The following TENM4 variants were observed in gnomAD, a reference collection of about 807,000 sequenced individuals.
TENM4 encodes the protein teneurin-4.
Under a neutral mutation model 243.3 loss-of-function variants are expected in TENM4, and 82 were observed. The observed-to-expected ratio is 0.34, with a 90% confidence interval of 0.28 to 0.40. TENM4 has a LOEUF of 0.40. TENM4 is among the 10% of genes least tolerant of loss of function. The probability of loss-of-function intolerance (pLI) is 1.00; values close to 1 mark genes in which losing one functional copy is unlikely to be tolerated. For missense variants in TENM4, 3,138 were observed against 3,673.3 expected (o/e 0.85, Z 3.77); for synonymous variants, 1,412 against 1,456.3 (o/e 0.97, Z 0.69).
chr11:79,009,918 T>C (rs1301695099), intron 6 of TENM4, among the ~76,000 whole-genome samples: 4 of 152,068 alleles, frequency 2.6e-5, no homozygotes, highest in Admixed American at 2.6e-4. Context: ...AATTCAGTCA[T>C]GGGGGTGGGT....
In TENM4 at chr11:78,658,133, G is replaced by A. The variant is rs193109853; in HGVS notation, c.8235C>T (p.Val2745=). ...TGTCTGACAGTTCTGGGTACTGCTC[G>A]ACAGAGATCACGAAAAAGCCGTCGT... ...QGYDGFFVIS[V]EQYPELSDSA... The change falls in exon 34 of 34, where the codon GTC becomes GTT. Residue 2745 remains valine, a synonymous_variant. Coordinates refer to ENST00000278550, the MANE Select transcript of TENM4 (RefSeq NM_001098816.3). The A allele has an allele frequency of 3.3e-5, 54 of 1,614,020 alleles. No homozygotes were observed. In the East Asian group the frequency reaches 7.8e-4, roughly 23 times the overall value.
At chr11:79,161,383 T>C (rs923290711) in intron 3 of TENM4, among the ~76,000 whole-genome samples, 1 of 152,230 alleles carries the variant, frequency 6.6e-6, no homozygotes, top group Non-Finnish European at 1.5e-5. Flanking sequence ...AATCTCTGAA[T>C]GTAATCTTAT....
intron 2 of TENM4, among the ~76,000 whole-genome samples, chr11:79,221,759 G>A (rs1361494124): frequency 6.6e-5 from 10 of 152,170 alleles, no homozygotes; most frequent in Non-Finnish European, 1.2e-4. Flanking sequence ...GCAGCAGATG[G>A]TTTTATGTAA....
intron 26 of TENM4, among the ~76,000 whole-genome samples, chr11:78,709,012 G>A (rs1859334619): frequency 6.9e-6 from 1 of 144,640 alleles, no homozygotes; most frequent in Admixed American, 7.0e-5. Flanking sequence ...CTGTCACCCA[G>A]GCTGTAGTGC....
At chr11:79,007,556 C>T (rs1004417571) in intron 6 of TENM4, among the ~76,000 whole-genome samples, 45 of 152,092 alleles carry the variant, frequency 3.0e-4, no homozygotes, top group Non-Finnish European at 4.7e-4. Flanking sequence ...TAGGTCTGGT[C>T]GTTGCTAAGA....
At chr11:79,286,012 TA>T (rs1856243897) in intron 2 of TENM4, among the ~76,000 whole-genome samples, 1 of 152,152 alleles carries the variant, frequency 6.6e-6, no homozygotes. Flanking sequence ...AATGTTACTT[TA>T]AAAGGGTAAA....
chr11:78,909,771 G>C (rs576518374), intron 6 of TENM4, among the ~76,000 whole-genome samples: 2 of 152,340 alleles, frequency 1.3e-5, no homozygotes, highest in East Asian at 3.9e-4. Context: ...GGCCAGCTGG[G>C]GACAGTTTTA....
At position 79,143,738 on chromosome 11, in the gene TENM4, G is replaced by T. The variant is rs1046917082; in HGVS notation, c.-66+4972C>A. ...AAATAAATGGTGCTGGGAAAACAAG[G>T]TATCCATATGCAGAAGAATGAAACT... is the stretch of plus-strand genomic sequence containing the variant. On this transcript the variant is annotated intron_variant, in intron 4 of 33. Coordinates refer to ENST00000278550, the MANE Select transcript of TENM4 (RefSeq NM_001098816.3). 3.3e-5 allele frequency among the ~76,000 whole-genome samples: 5 copies of T among 151,022 alleles called. No homozygotes were observed. The South Asian group carries it at 1.1e-3, about 32-fold the overall frequency.
In TENM4 at chr11:79,383,664, T is replaced by A. The variant is rs142859119; in HGVS notation, c.-321+56845A>T. Among the ~76,000 whole-genome samples, 248 of 152,200 alleles carry A rather than the reference T, an allele frequency of 1.6e-3. 1 individual carries two copies. The highest frequency in any genetic ancestry group is 5.8e-3 in the African/African-American group (241 of 41,522). On this transcript the variant is annotated intron_variant, in intron 1 of 33. Transcript: ENST00000278550. The stretch of plus-strand genomic sequence containing the variant: ...AGGGTGCTCATGGCCGGTGGGGAGC[T>A]CCTGATCCTGTTTCTCTCTCCTCTT...
intron 20 of TENM4, among the ~76,000 whole-genome samples, chr11:78,736,071 G>A (rs1455415006): frequency 6.6e-6 from 1 of 151,966 alleles, no homozygotes; most frequent in Non-Finnish European, 1.5e-5. Flanking sequence ...TCCCACCTCT[G>A]CCTCCTGGGT....
At chr11:78,667,872 A>G (rs552910671) in intron 32 of TENM4, among the ~76,000 whole-genome samples, 15 of 152,260 alleles carry the variant, frequency 9.9e-5, no homozygotes, top group African/African-American at 3.4e-4. Flanking sequence ...TCTTATGTAA[A>G]AAGTGTGGGC....
At chr11:79,040,314 C>T (rs1373981249) in intron 6 of TENM4, among the ~76,000 whole-genome samples, 1 of 152,202 alleles carries the variant, frequency 6.6e-6, no homozygotes, top group Non-Finnish European at 1.5e-5. Context: ...ACAAAAGGTG[C>T]TCGCTCAGCT....
intron 2 of TENM4, among the ~76,000 whole-genome samples, chr11:79,278,114 C>G (rs1009566884): frequency 6.6e-6 from 1 of 152,190 alleles, no homozygotes; most frequent in African/African-American, 2.4e-5. Context: ...GCGTATAGAT[C>G]TGGAGTGACT....
At chr11:79,210,725 T>C (rs1346800752) in intron 3 of TENM4, among the ~76,000 whole-genome samples, 2 of 152,326 alleles carry the variant, frequency 1.3e-5, no homozygotes, top group East Asian at 3.9e-4. Flanking sequence ...GAAGAATGCC[T>C]GGCACATAGT....
At chr11:79,136,832 TC>T (rs1165869713) in intron 4 of TENM4, among the ~76,000 whole-genome samples, 1 of 152,118 alleles carries the variant, frequency 6.6e-6, no homozygotes, top group African/African-American at 2.4e-5. Flanking sequence ...AATTCACTGG[TC>T]TTACCATGCT....
At chr11:78,759,967 T>A (rs1343488805) in intron 18 of TENM4, among the ~76,000 whole-genome samples, 1 of 152,224 alleles carries the variant, frequency 6.6e-6, no homozygotes, top group Non-Finnish European at 1.5e-5. Context: ...AATTTCTGAA[T>A]CTTAGTGAAA....
At chr11:78,943,939 G>T (rs1856958079) in intron 6 of TENM4, among the ~76,000 whole-genome samples, 1 of 152,192 alleles carries the variant, frequency 6.6e-6, no homozygotes. Context: ...TGTATAACGT[G>T]CCTGCCTCAC....
intron 1 of TENM4, among the ~76,000 whole-genome samples, chr11:79,367,244 A>G (rs1018315716): frequency 3.3e-5 from 5 of 152,210 alleles, no homozygotes; most frequent in Admixed American, 1.3e-4. Flanking sequence ...ACAAAGGTAA[A>G]CCTACTCAAT....
At chr11:79,379,262 C>A (rs1175119517) in intron 1 of TENM4, among the ~76,000 whole-genome samples, 2 of 152,172 alleles carry the variant, frequency 1.3e-5, no homozygotes, top group Non-Finnish European at 2.9e-5. Context: ...CAAGGAAAGT[C>A]AAAGAGCTAC....
Sources: gnomAD v4.1 joint callset for allele counts (sites outside exome capture counted in the v4.1 genomes callset) on GRCh38, gnomAD v4.1.1 for gene constraint, MANE v1.5 for transcripts, NCBI Gene and HGNC (gene_info 2026-07-23, HGNC 2026-07-21) for gene names.